The following ANK2 variants were observed in gnomAD, a reference collection of about 807,000 sequenced individuals.
The protein encoded by ANK2 is ankyrin-2.
In ANK2, 83 loss-of-function variants were observed where a neutral mutation model predicts 360.5. That is an observed-to-expected ratio of 0.23 (90% CI 0.19 to 0.28). The LOEUF (loss-of-function observed/expected upper bound fraction) is 0.28. Among genes scored for constraint, ANK2 ranks in the 10% least tolerant of loss-of-function variants. The probability of loss-of-function intolerance (pLI) is 1.00; values close to 1 mark genes in which losing one functional copy is unlikely to be tolerated. For synonymous variants in ANK2, 1,740 were observed against 1,759.5 expected, an observed-to-expected ratio of 0.99 and a Z score of 0.28; for missense variants, 4,201 against 4,795.7, an observed-to-expected ratio of 0.88 and a Z score of 3.66.
chr4:113,102,220 C>T (rs547150016), intron 1 of ANK2, among the ~76,000 whole-genome samples: 49 of 151,932 alleles, frequency 3.2e-4, no homozygotes, highest in Non-Finnish European at 6.2e-4. Flanking sequence ...AAAAAGTGTA[C>T]ATGGAAGATA....
At chr4:113,187,400 T>C (rs2098550603) in intron 2 of ANK2, among the ~76,000 whole-genome samples, 1 of 152,224 alleles carries the variant, frequency 6.6e-6, no homozygotes, top group South Asian at 2.1e-4. Flanking sequence ...CTTGGAATTA[T>C]AAGTCTCGAT....
intron 4 of ANK2, among the ~76,000 whole-genome samples, chr4:113,226,193 C>A (rs1460536494): frequency 6.6e-6 from 1 of 152,170 alleles, no homozygotes; most frequent in Admixed American, 6.6e-5. Flanking sequence ...GTATCCTCCC[C>A]ATTCCTCGCC....
chr4:112,893,439 A>G (rs953837433), intron 1 of ANK2, among the ~76,000 whole-genome samples: 1 of 152,180 alleles, frequency 6.6e-6, no homozygotes, highest in African/African-American at 2.4e-5. Context: ...CTGGAATTAC[A>G]GGTGTGAGCC....
At chr4:112,975,180 A>G (rs1022813190) in intron 2 of ANK2, among the ~76,000 whole-genome samples, 1 of 152,212 alleles carries the variant, frequency 6.6e-6, no homozygotes, top group Non-Finnish European at 1.5e-5. Flanking sequence ...TGGTAAAGGA[A>G]TATACTGCTT....
intron 22 of ANK2, among the ~76,000 whole-genome samples, chr4:113,295,221 TATC>T (rs1305063601): frequency 6.6e-6 from 1 of 152,162 alleles, no homozygotes; most frequent in African/African-American, 2.4e-5. Context: ...GCTGAAGAAT[TATC>T]AGTGGTGAAA....
chr4:112,799,124 C>T, the ANK2 span, among the ~76,000 whole-genome samples: 1 of 152,186 alleles, frequency 6.6e-6, no homozygotes, highest in Admixed American at 6.5e-5. Flanking sequence ...AAGATTCATC[C>T]ACAATGTAGC....
chr4:112,769,817 C>T, the ANK2 span, among the ~76,000 whole-genome samples: 1 of 152,090 alleles, frequency 6.6e-6, no homozygotes, highest in Non-Finnish European at 1.5e-5. Context: ...GAATTTCTTC[C>T]TTTTTGCTTC....
the ANK2 span, chr4:112,788,502 C>T: frequency 9.5e-6 from 15 of 1,579,952 alleles, no homozygotes; most frequent in Middle Eastern, 4.6e-4. Context: ...TTGGTGGGGA[C>T]GTCCCCTTTG....
At chr4:113,214,112 G>T (rs939235730) in intron 4 of ANK2, 1 of 763,680 alleles carries the variant, frequency 1.3e-6, no homozygotes, top group African/African-American at 1.8e-5. Flanking sequence ...GGGGTGTTCG[G>T]TCCTTGCGGG....
chr4:112,994,578 T>C (rs531234098), intron 2 of ANK2, among the ~76,000 whole-genome samples: 1 of 152,210 alleles, frequency 6.6e-6, no homozygotes, highest in Non-Finnish European at 1.5e-5. Flanking sequence ...CACTGTGGTA[T>C]AGACATCGGG....
At chr4:112,807,486 CA>C in the ANK2 span, among the ~76,000 whole-genome samples, 6 of 152,144 alleles carry the variant, frequency 3.9e-5, no homozygotes, top group African/African-American at 1.4e-4. Flanking sequence ...TGGAGAATGG[CA>C]AAGGTTCTGG....
chr4:113,151,009 A>C (rs2097056157), intron 1 of ANK2: 3 of 1,202,242 alleles, frequency 2.5e-6, no homozygotes, highest in Non-Finnish European at 3.2e-6. Context: ...TTTGTGAAAA[A>C]AATGAATGAA....
chr4:112,721,031 C>G, the ANK2 span, among the ~76,000 whole-genome samples: 1 of 152,140 alleles, frequency 6.6e-6, no homozygotes, highest in Admixed American at 6.5e-5. Flanking sequence ...TATTCTCTTG[C>G]TGCAGAGAAA....
chr4:113,314,207 T>C (rs1373185993), intron 24 of ANK2, among the ~76,000 whole-genome samples: 3 of 152,238 alleles, frequency 2.0e-5, no homozygotes, highest in Non-Finnish European at 4.4e-5. Context: ...AAAAATGCTT[T>C]CCAAATTCAA....
chr4:113,029,578 C>G (rs1432972874), intron 2 of ANK2, among the ~76,000 whole-genome samples: 1 of 151,954 alleles, frequency 6.6e-6, no homozygotes, highest in Non-Finnish European at 1.5e-5. Flanking sequence ...GGCCGGAGTT[C>G]TTCTTTAGAA....
intron 23 of ANK2, among the ~76,000 whole-genome samples, chr4:113,305,305 A>T (rs1335134106): frequency 2.4e-5 from 3 of 126,702 alleles, no homozygotes; most frequent in African/African-American, 9.3e-5. Flanking sequence ...CCGCCACTGC[A>T]CTCCAGCCTG....
intron 2 of ANK2, among the ~76,000 whole-genome samples, chr4:113,027,360 C>A (rs961042874): frequency 6.6e-6 from 1 of 152,088 alleles, no homozygotes; most frequent in Non-Finnish European, 1.5e-5. Context: ...ACCTCCAGAT[C>A]CCAGGAATGA....
chr4:112,725,932 A>G, the ANK2 span, among the ~76,000 whole-genome samples: 7 of 152,180 alleles, frequency 4.6e-5, no homozygotes, highest in Non-Finnish European at 4.4e-5. Flanking sequence ...TAAATAATAA[A>G]AATTTAAAAT....
In ANK2 at chr4:113,196,993, T is replaced by G. The variant is rs376551743; in HGVS notation, c.285+527T>G. On this transcript the variant is annotated intron_variant, in intron 3 of 45. Transcript: ENST00000357077. Reference sequence around the variant, plus strand: ...ATCTGTAAACCTAGTTTATAAAATTTTATCTTTCCCCCTTCGATTCACAGA... The same window carrying G: ...ATCTGTAAACCTAGTTTATAAAATTGTATCTTTCCCCCTTCGATTCACAGA... Among the ~76,000 whole-genome samples the G allele has an allele frequency of 2.0e-5, 3 of 152,320 alleles. No homozygotes were observed. The East Asian group carries it at 5.8e-4, about 29-fold the overall frequency.
Sources: allele counts gnomAD v4.1 joint callset (sites outside exome capture counted in the v4.1 genomes callset), GRCh38; gene constraint gnomAD v4.1.1; transcripts MANE v1.5; gene names NCBI Gene and HGNC (gene_info 2026-07-23, HGNC 2026-07-21).